B4GALNT1: variants seen among roughly 807,000 people sequenced by gnomAD.
The protein encoded by B4GALNT1 is beta-1,4 N-acetylgalactosaminyltransferase 1.
A neutral mutation model predicts 55.2 loss-of-function variants in B4GALNT1; 43 were observed. The observed-to-expected ratio is 0.78, with a 90% CI of 0.61 to 1.00. The LOEUF (loss-of-function observed/expected upper bound fraction) is 1.00. Ranked by LOEUF, B4GALNT1 falls within the 50% of genes least tolerant of loss-of-function variation. The probability of loss-of-function intolerance (pLI) is 0.00; values close to 1 mark genes in which losing one functional copy is unlikely to be tolerated. For synonymous variants in B4GALNT1, 305 were observed against 311.6 expected, an observed-to-expected ratio of 0.98 and a Z score of 0.22; for missense variants, 664 against 729.7, an observed-to-expected ratio of 0.91 and a Z score of 1.04.
At position 57,626,674 on chromosome 12, in the gene B4GALNT1, T is replaced by C; in HGVS notation, c.*70A>G. On this transcript the variant is annotated 3_prime_UTR_variant, in exon 11 of 11. Transcript: ENST00000341156. ...GTAGAGTGCTCACAGGGTGGTGGGG[T>C]TTGTTGGAAATTCCTGGCAGGGACA... The C allele has an allele frequency of 2.6e-6, 4 of 1,563,020 alleles. No individual in the cohort carries two copies. The highest frequency in any genetic ancestry group is 3.5e-6 in the Non-Finnish European group (4 of 1,138,266).
rs377400696 is a variant in B4GALNT1, at chr12:57,625,426, G to A, written c.*1318C>T. 1.1e-5 allele frequency: 18 copies of A among 1,614,182 alleles called. 1 individual carries two copies. The highest frequency in any genetic ancestry group is 6.7e-5 in the African/African-American group (5 of 75,050). On this transcript the variant is annotated 3_prime_UTR_variant, in exon 11 of 11. Coordinates refer to ENST00000341156, the MANE Select transcript of B4GALNT1 (RefSeq NM_001478.5). ...TCCCTGCAGCTGGCCAGCCGATGTC[G>A]AGATGCTAGGATCCGCCTCCTCCTG...
rs767428162 is a variant in B4GALNT1, at chr12:57,625,015, C to A, written c.*1729G>T. ...AGCTTGGTTTAGGAGGGATGTGGAT[C>A]CTCAGGGAGTGGGAGGCAGGTGGGT... On this transcript the variant is annotated 3_prime_UTR_variant, in exon 11 of 11. Coordinates refer to ENST00000341156, the MANE Select transcript of B4GALNT1 (RefSeq NM_001478.5). 7 of 1,613,346 alleles carry A rather than the reference C, an allele frequency of 4.3e-6. No individual in the cohort carries two copies. The highest frequency in any genetic ancestry group is 3.3e-5 in the Admixed American group (2 of 60,014).
rs980337986 is a variant in B4GALNT1, at chr12:57,632,423, C to T, written c.-1-290G>A. On this transcript the variant is annotated intron_variant, in intron 1 of 10. Transcript: ENST00000341156. ...TAATGCTGAAGACATTTGGATGCCGCGGTTTCGACGCGGCCGTGCGTAAGC... is the reference window on the plus strand; with the variant it reads ...TAATGCTGAAGACATTTGGATGCCGTGGTTTCGACGCGGCCGTGCGTAAGC... 9.6e-6 allele frequency: 5 copies of T among 522,362 alleles called. No individual in the cohort carries two copies. In the African/African-American group the frequency reaches 9.8e-5, roughly 10 times the overall value. 32.4% of individuals were successfully genotyped at this position (522,362 alleles called of 1,614,324 possible).
chr12:57,625,573 C>A lies in B4GALNT1; in HGVS notation c.*1171G>T. The A allele has an allele frequency of 6.2e-7, 1 of 1,600,862 alleles. No homozygotes were observed. The highest frequency in any genetic ancestry group is 1.3e-5 in the African/African-American group (1 of 74,780). Reference sequence around the variant, plus strand: ...TAGGGTCTCAGAGTCTGACACCCTCCCCACATAGCCTTGGTGCAGGGGACA... The same window carrying A: ...TAGGGTCTCAGAGTCTGACACCCTCACCACATAGCCTTGGTGCAGGGGACA... On this transcript the variant is annotated 3_prime_UTR_variant, in exon 11 of 11. Coordinates refer to ENST00000341156, the MANE Select transcript of B4GALNT1 (RefSeq NM_001478.5).
chr12:57,628,671 C>A, intron 8 of B4GALNT1, 42 bp downstream of exon 8: 1 of 1,610,330 alleles, frequency 6.2e-7, no homozygotes, highest in Non-Finnish European at 8.5e-7. Context: ...ACACCCCCTG[C>A]GGGAGTCCTC....
At chr12:57,630,382 C>G (rs369573891) in intron 5 of B4GALNT1, 50 bp from the exon 6 acceptor site, 2 of 1,599,164 alleles carry the variant, frequency 1.3e-6, no homozygotes, top group African/African-American at 1.3e-5. Flanking sequence ...CCACTTCTTG[C>G]CTCCCTGATT....
In B4GALNT1 at chr12:57,624,839, C is replaced by T. The variant is rs368384539; in HGVS notation, c.*1905G>A. The T allele has an allele frequency of 5.6e-6, 9 of 1,603,066 alleles. No individual in the cohort carries two copies. The African/African-American group carries it at 1.2e-4, about 21-fold the overall frequency. On this transcript the variant is annotated 3_prime_UTR_variant, in exon 11 of 11. Coordinates refer to ENST00000341156, the MANE Select transcript of B4GALNT1 (RefSeq NM_001478.5). Reference sequence around the variant, plus strand: ...GAAGGAAGGGAAGATTAGCCCCAGACATTTCTCTGATCCTTTGACCTCTTA... The same window carrying T: ...GAAGGAAGGGAAGATTAGCCCCAGATATTTCTCTGATCCTTTGACCTCTTA...
intron 2 of B4GALNT1, 140 bp downstream of exon 2, chr12:57,631,775 G>T: frequency 2.2e-6 from 2 of 899,268 alleles, no homozygotes; most frequent in Non-Finnish European, 3.1e-6. Flanking sequence ...AGCCTCAGCA[G>T]CCTCCCACTT....
chr12:57,628,570 C>T, intron 8 of B4GALNT1, 143 bp downstream of exon 8: 2 of 1,069,434 alleles, frequency 1.9e-6, no homozygotes, highest in Admixed American at 2.4e-5. Context: ...ACGAAGCTTA[C>T]ATTCCAGGAA....
chr12:57,629,984 C>G, intron 6 of B4GALNT1, 168 bp downstream of exon 6: 1 of 1,540,052 alleles, frequency 6.5e-7, no homozygotes, highest in Non-Finnish European at 8.7e-7. Flanking sequence ...ACAAAGGCCC[C>G]CTTTCTCCCT....
Position 57,629,122 on chromosome 12 carries a change from T to C in B4GALNT1, c.737A>G (p.Glu246Gly). ...DTVRFSTEGH[E>G]AAFTIRIRHP... The stretch of plus-strand genomic sequence containing the variant: ...TCTTATGCGGATAGTGAAAGCAGCC[T>C]CATGTCCCTCGGTGGAGAACCGGAC... The change falls in exon 7 of 11, where the codon GAG (glutamate) becomes GGG (glycine). Residue 246 changes from glutamate to glycine, a missense_variant. By Grantham distance (98) the Glu-to-Gly change is moderately conservative. Transcript: ENST00000341156. The C allele has an allele frequency of 6.3e-7, 1 of 1,596,736 alleles. No homozygotes were observed. The highest frequency in any genetic ancestry group is 8.6e-7 in the Non-Finnish European group (1 of 1,167,384).
chr12:57,628,327 C>G, intron 8 of B4GALNT1, 65 bp from the exon 9 acceptor site: 1 of 1,601,570 alleles, frequency 6.2e-7, no homozygotes, highest in Non-Finnish European at 8.5e-7. Context: ...TGCCACCTTT[C>G]TTTCTCTCCC....
Position 57,632,097 on chromosome 12 carries a change from G to A in B4GALNT1, c.36C>T (p.Val12=). The change falls in exon 2 of 11, where the codon GTC becomes GTT. Residue 12 remains valine (V), a synonymous_variant. Transcript: ENST00000341156. ...WLGRRALCAL[V]LLLACASLGL... ...CCAGCGAGGCGCAGGCGAGCAGAAG[G>A]ACCAGAGCGCACAGGGCCCGGCGGC... 6.8e-7 allele frequency: 1 copy of A among 1,475,248 alleles called. No individual in the cohort carries two copies. The highest frequency in any genetic ancestry group is 1.4e-5 in the South Asian group (1 of 71,646). 91.4% of individuals were successfully genotyped at this position (1,475,248 alleles called of 1,614,324 possible). A position where few individuals can be genotyped will look rare whatever the true frequency, so the allele number is the denominator to read the frequency against.
chr12:57,624,569 G>A lies in B4GALNT1; in HGVS notation c.*2175C>T. 1 of 656,890 alleles carries A rather than the reference G, an allele frequency of 1.5e-6. No individual in the cohort carries two copies. Among genetic ancestry groups the A allele is most frequent in the Non-Finnish European group, 2.9e-6 (1 of 339,660 alleles). 40.7% of individuals were successfully genotyped at this position (656,890 alleles called of 1,614,324 possible). ...GGATTTGGGCCTGGCTGTGGGTGTG[G>A]TCTTCTCCATGATGACTGTGGTCTG... is the stretch of plus-strand genomic sequence containing the variant. On this transcript the variant is annotated 3_prime_UTR_variant, in exon 11 of 11. Coordinates refer to ENST00000341156, the MANE Select transcript of B4GALNT1 (RefSeq NM_001478.5).
chr12:57,623,741 C>A lies in B4GALNT1; in HGVS notation c.*3003G>T, dbSNP rs77704265. 9.3e-7 allele frequency: 1 copy of A among 1,075,594 alleles called. No individual in the cohort carries two copies. The highest frequency in any genetic ancestry group is 1.4e-6 in the Non-Finnish European group (1 of 734,978). The allele number at this position is 1,075,594 out of a possible 1,614,324, so 66.6% of individuals were successfully genotyped here. A position where few individuals can be genotyped will look rare whatever the true frequency, so the allele number is the denominator to read the frequency against. On this transcript the variant is annotated 3_prime_UTR_variant, in exon 11 of 11. Transcript: ENST00000341156. ...GGAGATTTGGGAGAAGGGAGACTTC[C>A]GAGGAAGATTAGGCAGAGTGGGCAG...
Position 57,627,921 on chromosome 12 carries a change from T to C in B4GALNT1, c.1144-63A>G, listed in dbSNP as rs1198853798. The C allele has an allele frequency of 2.0e-6, 3 of 1,491,456 alleles. No homozygotes were observed. In the African/African-American group the frequency reaches 4.2e-5, roughly 21 times the overall value. The allele number at this position is 1,491,456 out of a possible 1,614,324, so 92.4% of individuals were successfully genotyped here. A position where few individuals can be genotyped will look rare whatever the true frequency, so the allele number is the denominator to read the frequency against. On this transcript the variant is annotated intron_variant, in intron 9 of 10. Coordinates refer to ENST00000341156, the MANE Select transcript of B4GALNT1 (RefSeq NM_001478.5). ...GATAGGGGACCCGAAGGGGTCAAGGTCTGCGCTCCGGTGCCTTCGGGGGTA... is the reference window on the plus strand; with the variant it reads ...GATAGGGGACCCGAAGGGGTCAAGGCCTGCGCTCCGGTGCCTTCGGGGGTA...
intron 8 of B4GALNT1, 78 bp downstream of exon 8, chr12:57,628,635 T>A: frequency 6.5e-7 from 1 of 1,546,410 alleles, no homozygotes; most frequent in Non-Finnish European, 8.9e-7. Context: ...CTCGAATCAC[T>A]ACCCTGGAGG....
chr12:57,623,754 G>A lies in B4GALNT1; in HGVS notation c.*2990C>T. On this transcript the variant is annotated 3_prime_UTR_variant, in exon 11 of 11. Coordinates refer to ENST00000341156, the MANE Select transcript of B4GALNT1 (RefSeq NM_001478.5). ...AAGGGAGACTTCCGAGGAAGATTAGGCAGAGTGGGCAGGAAGACCAGCTCT... is the reference window on the plus strand; with the variant it reads ...AAGGGAGACTTCCGAGGAAGATTAGACAGAGTGGGCAGGAAGACCAGCTCT... 1 of 1,196,366 alleles carries A rather than the reference G, an allele frequency of 8.4e-7. No individual in the cohort carries two copies. Among genetic ancestry groups the A allele is most frequent in the Non-Finnish European group, 1.2e-6 (1 of 833,618 alleles). The allele number at this position is 1,196,366 out of a possible 1,614,324, so 74.1% of individuals were successfully genotyped here. A position where few individuals can be genotyped will look rare whatever the true frequency, so the allele number is the denominator to read the frequency against.
At position 57,624,075 on chromosome 12, in the gene B4GALNT1, T is replaced by C; in HGVS notation, c.*2669A>G. ...CCAGATGCAGGAACTTCCACAACTATGGCACATCAGCCGAGTGGACTTTGT... is the reference window on the plus strand; with the variant it reads ...CCAGATGCAGGAACTTCCACAACTACGGCACATCAGCCGAGTGGACTTTGT... On this transcript the variant is annotated 3_prime_UTR_variant, in exon 11 of 11. Transcript: ENST00000341156. The C allele has an allele frequency of 1.9e-6, 3 of 1,613,954 alleles. No homozygotes were observed. The highest frequency in any genetic ancestry group is 2.2e-5 in the South Asian group (2 of 91,038).
Sources: allele counts gnomAD v4.1 joint callset, GRCh38; gene constraint gnomAD v4.1.1; transcripts MANE v1.5; gene names NCBI Gene and HGNC (gene_info 2026-07-23, HGNC 2026-07-21).